RBL1: variants seen among roughly 807,000 people sequenced by gnomAD.
RBL1 encodes retinoblastoma-like protein 1.
RBL1 carries 82 observed loss-of-function variants against 123.0 expected under a neutral mutation model. The ratio of observed to expected loss-of-function variants is 0.67; its 90% CI spans 0.56 to 0.80. The LOEUF (loss-of-function observed/expected upper bound fraction) is 0.80, where lower values mean the gene tolerates loss of function less well. Ranked by LOEUF, RBL1 falls within the 30% of genes least tolerant of loss-of-function variation. The pLI, the probability that RBL1 is intolerant of heterozygous loss-of-function variation, is 0.00. For missense variants in RBL1, 1,171 were observed against 1,299.6 expected, an observed-to-expected ratio of 0.90 and a Z score of 1.52; for synonymous variants, 405 against 441.3, an observed-to-expected ratio of 0.92 and a Z score of 1.03.
intron 19 of RBL1, among the ~76,000 whole-genome samples, chr20:37,010,504 C>T (rs1005991656): frequency 1.3e-5 from 2 of 152,078 alleles, no homozygotes; most frequent in African/African-American, 4.8e-5. Flanking sequence ...AATATACTTA[C>T]ACAAACCTAG....
rs776040008 is a variant in RBL1, at chr20:37,061,207, T to C, written c.1146A>G (p.Ala382=). The C allele has an allele frequency of 6.2e-7, 1 of 1,614,130 alleles. No homozygotes were observed. The highest frequency in any genetic ancestry group is 1.1e-5 in the South Asian group (1 of 91,064). ...TGGCTGATGCAACAGGAGTAATGACTGCTTCTTTTTCTCGTAAATATCTCC... is the reference window on the plus strand; with the variant it reads ...TGGCTGATGCAACAGGAGTAATGACCGCTTCTTTTTCTCGTAAATATCTCC... ...TGRRYLREKE[A]VITPVASATQ... is the part of the protein sequence containing the mutation. The change falls in exon 9 of 22, where the codon GCA becomes GCG. Residue 382 remains alanine (A), a synonymous_variant. Coordinates refer to ENST00000373664, the MANE Select transcript of RBL1 (RefSeq NM_002895.5).
chr20:37,066,947 T>C (rs775452234), intron 5 of RBL1, 46 bp downstream of exon 5: 1 of 1,595,286 alleles, frequency 6.3e-7, no homozygotes, highest in South Asian at 1.1e-5. Flanking sequence ...AAAATCTTTT[T>C]CCAAAAACTG....
chr20:37,068,292 G>T, intron 2 of RBL1, 106 bp from the exon 3 acceptor site: 1 of 1,417,220 alleles, frequency 7.1e-7, no homozygotes, highest in East Asian at 2.5e-5. Flanking sequence ...TAAAAAGCCA[G>T]ATTTCCCAGG....
chr20:37,074,664 A>G (rs2065336168), intron 2 of RBL1, among the ~76,000 whole-genome samples: 1 of 152,064 alleles, frequency 6.6e-6, no homozygotes, highest in African/African-American at 2.4e-5. Context: ...AGTTCCTAAA[A>G]AGGTTAAACA....
chr20:37,035,751 A>G (rs956906514), intron 14 of RBL1, among the ~76,000 whole-genome samples: 15 of 152,230 alleles, frequency 9.9e-5, no homozygotes, highest in African/African-American at 3.4e-4. Context: ...TGCCTACATT[A>G]AAGGAGCAAA....
At chr20:37,040,777 T>G (rs1308913369) in intron 13 of RBL1, among the ~76,000 whole-genome samples, 5 of 152,256 alleles carry the variant, frequency 3.3e-5, no homozygotes, top group Non-Finnish European at 5.9e-5. Flanking sequence ...TCATTTCATT[T>G]AACCTTATAA....
intron 7 of RBL1, among the ~76,000 whole-genome samples, chr20:37,064,139 CTT>C (rs1037547663): frequency 3.2e-4 from 42 of 131,810 alleles, no homozygotes; most frequent in Admixed American, 5.4e-4. Flanking sequence ...TCTTTTCTTT[CTT>C]TTTTTTTTTT....
chr20:37,012,208 C>T (rs183970851), intron 19 of RBL1, among the ~76,000 whole-genome samples: 5 of 152,364 alleles, frequency 3.3e-5, no homozygotes, highest in South Asian at 2.1e-4. Context: ...GATCTCGGCT[C>T]GCTACAACCT....
At chr20:37,020,233 CGT>C (rs2064319566) in intron 18 of RBL1, among the ~76,000 whole-genome samples, 1 of 151,750 alleles carries the variant, frequency 6.6e-6, no homozygotes. Context: ...GGATTATAGG[CGT>C]GTGACACCAC....
At chr20:37,048,690 T>C (rs1478419057) in intron 11 of RBL1, among the ~76,000 whole-genome samples, 1 of 152,086 alleles carries the variant, frequency 6.6e-6, no homozygotes. Context: ...ACGTTTTTAG[T>C]GTCTCATTCA....
chr20:37,090,836 T>TA (rs1456200698), intron 1 of RBL1, among the ~76,000 whole-genome samples: 1 of 151,858 alleles, frequency 6.6e-6, no homozygotes, highest in Non-Finnish European at 1.5e-5. Flanking sequence ...ACAGAAAACA[T>TA]ATAGTAAAAA....
At chr20:37,004,066 G>A (rs1398165849) in intron 20 of RBL1, among the ~76,000 whole-genome samples, 200 bp from the exon 21 acceptor site, 1 of 147,656 alleles carries the variant, frequency 6.8e-6, no homozygotes, top group Non-Finnish European at 1.5e-5. Context: ...TTATTTTCCT[G>A]AATCTTTTTT....
chr20:37,083,785 C>T (rs2065496138), intron 2 of RBL1, among the ~76,000 whole-genome samples: 2 of 151,244 alleles, frequency 1.3e-5, no homozygotes, highest in South Asian at 4.2e-4. Context: ...GCCTGGGCAA[C>T]AGAGCAAGAT....
chr20:37,037,495 TTTAAA>T (rs1190193982), intron 14 of RBL1, among the ~76,000 whole-genome samples: 7 of 152,064 alleles, frequency 4.6e-5, no homozygotes, highest in African/African-American at 1.2e-4. Flanking sequence ...TTTCGTAAGT[TTTAAA>T]TTATAGTATA....
At chr20:37,013,368 G>A (rs1299987050) in intron 19 of RBL1, among the ~76,000 whole-genome samples, 10 of 151,480 alleles carry the variant, frequency 6.6e-5, no homozygotes, top group Admixed American at 6.6e-4. Flanking sequence ...GATGTGCTTT[G>A]TTAAACAGAT....
chr20:37,055,765 C>A, intron 10 of RBL1, 109 bp from the exon 11 acceptor site: 1 of 1,114,580 alleles, frequency 9.0e-7, no homozygotes, highest in Non-Finnish European at 1.2e-6. Flanking sequence ...AATAGCAGGG[C>A]AGGCCGGGAA....
chr20:37,028,699 C>T (rs577068241), intron 16 of RBL1, among the ~76,000 whole-genome samples: 18 of 152,222 alleles, frequency 1.2e-4, no homozygotes, highest in African/African-American at 4.3e-4. Flanking sequence ...ATTCCAGAGG[C>T]TGGCCAACTA....
At chr20:37,033,215 T>C (rs1319076285) in intron 15 of RBL1, among the ~76,000 whole-genome samples, 2 of 150,674 alleles carry the variant, frequency 1.3e-5, no homozygotes, top group Non-Finnish European at 3.0e-5. Flanking sequence ...AGATGGAGTC[T>C]TGCTCTGTCG....
intron 2 of RBL1, among the ~76,000 whole-genome samples, chr20:37,082,291 C>T (rs947145180): frequency 3.9e-5 from 6 of 152,158 alleles, no homozygotes; most frequent in Non-Finnish European, 1.5e-5. Context: ...CAGAGCTGGG[C>T]TGGACTAACA....
Sources: gnomAD v4.1 joint callset for allele counts (sites outside exome capture counted in the v4.1 genomes callset) on GRCh38, gnomAD v4.1.1 for gene constraint, MANE v1.5 for transcripts, NCBI Gene and HGNC (gene_info 2026-07-23, HGNC 2026-07-21) for gene names.